The following ELP4 variants were observed in gnomAD, a reference collection of about 807,000 sequenced individuals.
ELP4 encodes elongator complex protein 4.
A neutral mutation model predicts 48.9 loss-of-function variants in ELP4; 51 were observed. The ratio of observed to expected loss-of-function variants is 1.04; its 90% CI spans 0.83 to 1.32. ELP4 has a LOEUF of 1.32. ELP4 is among the 40% of genes most tolerant of loss of function. The pLI is 0.00. For missense variants in ELP4, 519 were observed against 514.6 expected, an observed-to-expected ratio of 1.01 and a Z score of -0.08; for synonymous variants, 210 against 189.2, an observed-to-expected ratio of 1.11 and a Z score of -0.90.
chr11:31,737,633 A>C (rs1947348418), intron 9 of ELP4, among the ~76,000 whole-genome samples: 3 of 152,210 alleles, frequency 2.0e-5, no homozygotes, highest in African/African-American at 4.8e-5. Context: ...ACTGAATAAC[A>C]ACAAACAGAT....
In ELP4 at chr11:31,789,775, A is replaced by G; in HGVS notation, c.*6251A>G. 1 of 737,534 alleles carries G rather than the reference A, an allele frequency of 1.4e-6. No individual in the cohort carries two copies. The highest frequency in any genetic ancestry group is 1.5e-5 in the South Asian group (1 of 68,062). The allele number at this position is 737,534 out of a possible 1,614,324, so 45.7% of individuals were successfully genotyped here. A position where few individuals can be genotyped will look rare whatever the true frequency, so the allele number is the denominator to read the frequency against. Reference sequence around the variant, plus strand: ...ATACAAAGGTCCTTGTTTCAAGTCCATTCCTTCCCCAGTGGTACAATACAG... The same window carrying G: ...ATACAAAGGTCCTTGTTTCAAGTCCGTTCCTTCCCCAGTGGTACAATACAG... On this transcript the variant is annotated 3_prime_UTR_variant, in exon 10 of 10. Transcript: ENST00000640961.
At chr11:31,654,676 T>C (rs1418980318) in intron 9 of ELP4, 1 of 151,900 alleles carries the variant, frequency 6.6e-6, no homozygotes, top group Non-Finnish European at 1.5e-5. Context: ...ACAGGGGTGC[T>C]AGTAGCTATG....
At chr11:31,697,273 G>A (rs770304164) in intron 9 of ELP4, among the ~76,000 whole-genome samples, 43 of 152,144 alleles carry the variant, frequency 2.8e-4, no homozygotes, top group Non-Finnish European at 5.4e-4. Context: ...CTAAGTCTTC[G>A]TTTCCATTTC....
intron 9 of ELP4, chr11:31,779,968 G>C (rs185819615): frequency 6.6e-5 from 10 of 152,256 alleles, no homozygotes; most frequent in African/African-American, 2.4e-4. Context: ...TTTGGTTTTG[G>C]CCCTTGCTTC....
intron 9 of ELP4, among the ~76,000 whole-genome samples, chr11:31,697,903 TA>T (rs944415526): frequency 3.3e-5 from 5 of 151,240 alleles, no homozygotes; most frequent in African/African-American, 4.9e-5. Flanking sequence ...AAGAAAAAGT[TA>T]AAAAAAAACC....
At chr11:31,532,720 T>A (rs1417945390) in intron 2 of ELP4, among the ~76,000 whole-genome samples, 2 of 151,590 alleles carry the variant, frequency 1.3e-5, no homozygotes, top group Non-Finnish European at 2.9e-5. Flanking sequence ...TTTTATTTTT[T>A]AATTTTTATG....
chr11:31,772,877 T>C (rs987525018), intron 9 of ELP4, among the ~76,000 whole-genome samples: 4 of 152,264 alleles, frequency 2.6e-5, no homozygotes, highest in Admixed American at 2.0e-4. Flanking sequence ...TCCTACTGGC[T>C]AGAAACTGCA....
intron 9 of ELP4, among the ~76,000 whole-genome samples, chr11:31,689,594 A>T (rs1238610475): frequency 2.0e-5 from 3 of 152,074 alleles, no homozygotes; most frequent in East Asian, 1.9e-4. Flanking sequence ...GAATTACATT[A>T]TGTGAAAGCA....
At chr11:31,615,257 T>C (rs549188655) in intron 5 of ELP4, among the ~76,000 whole-genome samples, 2 of 152,236 alleles carry the variant, frequency 1.3e-5, no homozygotes, top group African/African-American at 4.8e-5. Flanking sequence ...ATTATGGTTA[T>C]GTTTAAATGG....
chr11:31,562,663 A>G (rs939822914), intron 3 of ELP4, among the ~76,000 whole-genome samples: 43 of 152,152 alleles, frequency 2.8e-4, no homozygotes, highest in African/African-American at 8.4e-4. Context: ...TGCCACTTTT[A>G]TATTCAAGAA....
chr11:31,515,284 A>G (rs1335151833), intron 1 of ELP4, among the ~76,000 whole-genome samples: 1 of 152,102 alleles, frequency 6.6e-6, no homozygotes, highest in African/African-American at 2.4e-5. Context: ...ATTTGGTGAT[A>G]AAAATGATTT....
chr11:31,621,142 C>T (rs1351413310), intron 5 of ELP4, among the ~76,000 whole-genome samples: 2 of 151,838 alleles, frequency 1.3e-5, no homozygotes, highest in Non-Finnish European at 2.9e-5. Context: ...TGATATTTTG[C>T]CTACTGCCTT....
At chr11:31,558,602 A>T (rs1463050423) in intron 3 of ELP4, among the ~76,000 whole-genome samples, 2 of 152,176 alleles carry the variant, frequency 1.3e-5, no homozygotes, top group East Asian at 3.8e-4. Flanking sequence ...TTTCTATGTT[A>T]CCACTTAACT....
At chr11:31,734,302 C>T (rs1947256106) in intron 9 of ELP4, among the ~76,000 whole-genome samples, 1 of 152,108 alleles carries the variant, frequency 6.6e-6, no homozygotes, top group South Asian at 2.1e-4. Flanking sequence ...AGATCAGGAA[C>T]AAGGCAAGGA....
At chr11:31,600,369 C>T (rs143247867) in intron 4 of ELP4, 37 of 152,222 alleles carry the variant, frequency 2.4e-4, no homozygotes, top group African/African-American at 8.4e-4. Flanking sequence ...AGCTCTAATA[C>T]CATGACCTAC....
chr11:31,602,399 GATAA>G (rs1158100716), intron 4 of ELP4, among the ~76,000 whole-genome samples: 1 of 151,760 alleles, frequency 6.6e-6, no homozygotes, highest in Non-Finnish European at 1.5e-5. Flanking sequence ...ATAGTTTCAT[GATAA>G]ATGGATAAAT....
intron 6 of ELP4, among the ~76,000 whole-genome samples, chr11:31,627,411 A>G (rs1033192752): frequency 1.3e-5 from 2 of 152,024 alleles, no homozygotes; most frequent in East Asian, 1.9e-4. Context: ...GAGGCACATA[A>G]GACATACACA....
chr11:31,651,515 A>C (rs955379910), intron 9 of ELP4: 2 of 151,748 alleles, frequency 1.3e-5, no homozygotes, highest in African/African-American at 4.8e-5. Context: ...TTTAGTTCTC[A>C]AAAGAAACCA....
At chr11:31,700,516 G>A (rs1018016802) in intron 9 of ELP4, among the ~76,000 whole-genome samples, 1 of 151,950 alleles carries the variant, frequency 6.6e-6, no homozygotes, top group African/African-American at 2.4e-5. Context: ...TGGATTTTTG[G>A]AATTGAGAAT....
Sources: gnomAD v4.1 joint callset for allele counts (sites outside exome capture counted in the v4.1 genomes callset) on GRCh38, gnomAD v4.1.1 for gene constraint, MANE v1.5 for transcripts, NCBI Gene and HGNC (gene_info 2026-07-23, HGNC 2026-07-21) for gene names.